The following SORCS1 variants were observed in gnomAD, a reference collection of about 807,000 sequenced individuals.
SORCS1 encodes sortilin related VPS10 domain containing receptor 1.
SORCS1 carries 60 observed loss-of-function variants against 146.1 expected under a neutral mutation model. The ratio of observed to expected loss-of-function variants is 0.41; its 90% CI spans 0.33 to 0.51. The LOEUF (loss-of-function observed/expected upper bound fraction) is 0.51, where lower values mean the gene tolerates loss of function less well. Ranked by LOEUF, SORCS1 falls within the 20% of genes least tolerant of loss-of-function variation. The pLI is 0.21. For missense variants in SORCS1, 1,352 were observed against 1,487.6 expected, an observed-to-expected ratio of 0.91 and a Z score of 1.50; for synonymous variants, 637 against 584.0, an observed-to-expected ratio of 1.09 and a Z score of -1.31.
intron 1 of SORCS1, among the ~76,000 whole-genome samples, chr10:107,056,922 C>T (rs1439376674): frequency 1.3e-5 from 2 of 152,112 alleles, no homozygotes; most frequent in Non-Finnish European, 1.5e-5. Flanking sequence ...ATGTTCATTC[C>T]CTATTTATGC....
intron 5 of SORCS1, among the ~76,000 whole-genome samples, chr10:106,732,796 G>A (rs956187689): frequency 6.6e-6 from 1 of 152,132 alleles, no homozygotes; most frequent in African/African-American, 2.4e-5. Context: ...GTTGTTTCCA[G>A]TGACATCTCC....
intron 1 of SORCS1, among the ~76,000 whole-genome samples, chr10:107,139,127 A>G (rs959718837): frequency 2.0e-5 from 3 of 152,224 alleles, no homozygotes; most frequent in Non-Finnish European, 4.4e-5. Flanking sequence ...AAGCATGAAA[A>G]TAAGATTAAA....
At chr10:106,739,756 C>T (rs1445607365) in intron 5 of SORCS1, among the ~76,000 whole-genome samples, 1 of 151,678 alleles carries the variant, frequency 6.6e-6, no homozygotes, top group African/African-American at 2.4e-5. Context: ...TCAAGATAAT[C>T]CTGGCTAATG....
At chr10:106,583,525 T>A (rs1374053451) in intron 24 of SORCS1, among the ~76,000 whole-genome samples, 2 of 152,090 alleles carry the variant, frequency 1.3e-5, no homozygotes, top group Non-Finnish European at 2.9e-5. Flanking sequence ...GTTTTGTTTT[T>A]AGATGAAGTC....
intron 17 of SORCS1, 43 bp from the exon 18 acceptor site, chr10:106,652,596 T>C (rs1849957219): frequency 6.3e-7 from 1 of 1,595,672 alleles, no homozygotes; most frequent in Non-Finnish European, 8.6e-7. Flanking sequence ...CTCATTATAA[T>C]GTGAATCATT....
intron 3 of SORCS1, among the ~76,000 whole-genome samples, chr10:106,809,093 G>A (rs1362918233): frequency 6.6e-6 from 1 of 152,004 alleles, no homozygotes; most frequent in Non-Finnish European, 1.5e-5. Context: ...GTCTTTGCAT[G>A]ATGATTTTCT....
rs559595572 is a variant in SORCS1 at position 107,068,655 on chromosome 10, A to C, written c.558+95314T>G. ...GCCAAGGCAGGCGGATCACAAGGTC[A>C]GGAGATCAAGACCATCCTGGCTAAC... On this transcript the variant is annotated intron_variant, in intron 1 of 25. Coordinates refer to ENST00000263054, the MANE Select transcript of SORCS1 (RefSeq NM_052918.5). 2.6e-5 allele frequency among the ~76,000 whole-genome samples: 4 copies of C among 152,288 alleles called. No individual in the cohort carries two copies. The South Asian group carries it at 8.3e-4, about 32-fold the overall frequency.
At chr10:107,124,322 A>G (rs1482053929) in intron 1 of SORCS1, among the ~76,000 whole-genome samples, 1 of 152,166 alleles carries the variant, frequency 6.6e-6, no homozygotes, top group Non-Finnish European at 1.5e-5. Context: ...TCTGCCTGCA[A>G]TTGAGACAAG....
intron 21 of SORCS1, among the ~76,000 whole-genome samples, chr10:106,614,743 C>T (rs531898669): frequency 6.6e-6 from 1 of 152,110 alleles, no homozygotes; most frequent in Non-Finnish European, 1.5e-5. Flanking sequence ...AGCATACTAA[C>T]CAGCATGGCA....
At chr10:106,619,990 T>A (rs1847631036) in intron 20 of SORCS1, 1 of 152,976 alleles carries the variant, frequency 6.5e-6, no homozygotes, top group South Asian at 2.1e-4. Flanking sequence ...TTTCTTTTGG[T>A]AATCACTTCT....
At chr10:107,098,140 T>C (rs929029187) in intron 1 of SORCS1, among the ~76,000 whole-genome samples, 1 of 152,242 alleles carries the variant, frequency 6.6e-6, no homozygotes, top group Non-Finnish European at 1.5e-5. Context: ...TAGTTTTTGT[T>C]GTTGTTGTCT....
intron 14 of SORCS1, 132 bp from the exon 15 acceptor site, chr10:106,673,117 C>T (rs965161811): frequency 1.7e-5 from 11 of 656,464 alleles, no homozygotes; most frequent in Admixed American, 1.6e-4. Flanking sequence ...ATCCTCAAAA[C>T]GCATTCATGA....
chr10:106,710,570 C>T (rs565222580), intron 6 of SORCS1, among the ~76,000 whole-genome samples: 4 of 152,182 alleles, frequency 2.6e-5, no homozygotes, highest in South Asian at 4.2e-4. Context: ...ACAACTCTTA[C>T]GTCAGTTTGG....
At chr10:107,131,545 A>G (rs1346357461) in intron 1 of SORCS1, among the ~76,000 whole-genome samples, 1 of 152,112 alleles carries the variant, frequency 6.6e-6, no homozygotes, top group Non-Finnish European at 1.5e-5. Context: ...CAACATGGCG[A>G]ACCCCCCCAT....
intron 6 of SORCS1, among the ~76,000 whole-genome samples, chr10:106,727,029 T>C (rs1186588036): frequency 1.3e-5 from 2 of 149,044 alleles, no homozygotes; most frequent in East Asian, 2.0e-4. Flanking sequence ...GAGCTTGCAG[T>C]GAGCCGAGAT....
chr10:107,152,980 C>T (rs1356160279), intron 1 of SORCS1, among the ~76,000 whole-genome samples: 4 of 152,044 alleles, frequency 2.6e-5, no homozygotes, highest in African/African-American at 9.7e-5. Context: ...TTTTCTTCCT[C>T]TTCTCAATCT....
At chr10:106,901,214 T>G (rs1348974072) in intron 2 of SORCS1, among the ~76,000 whole-genome samples, 1 of 152,128 alleles carries the variant, frequency 6.6e-6, no homozygotes, top group Admixed American at 6.5e-5. Flanking sequence ...TTACCCAGGA[T>G]AGGAGGGATT....
chr10:106,850,037 T>C (rs1157683072), intron 2 of SORCS1, among the ~76,000 whole-genome samples: 1 of 152,134 alleles, frequency 6.6e-6, no homozygotes, highest in Non-Finnish European at 1.5e-5. Flanking sequence ...TGCTGTCTTT[T>C]GGTTTGTCTG....
intron 1 of SORCS1, among the ~76,000 whole-genome samples, chr10:106,998,652 C>CCAT (rs1957092815): frequency 6.6e-6 from 1 of 152,200 alleles, no homozygotes; most frequent in Non-Finnish European, 1.5e-5. Context: ...GGGCAGAATG[C>CCAT]CATCCCCTTT....
Sources: allele counts gnomAD v4.1 joint callset (sites outside exome capture counted in the v4.1 genomes callset), GRCh38; gene constraint gnomAD v4.1.1; transcripts MANE v1.5; gene names NCBI Gene and HGNC (gene_info 2026-07-23, HGNC 2026-07-21).